EEFSEC: variants seen among roughly 807,000 people sequenced by gnomAD.
EEFSEC encodes the protein eukaryotic elongation factor, selenocysteine-tRNA specific.
A neutral mutation model predicts 42.1 loss-of-function variants in EEFSEC; 43 were observed. That is an observed-to-expected ratio of 1.02 (90% CI 0.80 to 1.32). The LOEUF is 1.32. Among genes scored for constraint, EEFSEC ranks in the 40% most tolerant of loss-of-function variants. EEFSEC has a pLI of 0.00. For missense variants in EEFSEC, 745 were observed against 803.6 expected (o/e 0.93, Z 0.88); for synonymous variants, 354 against 339.1 (o/e 1.04, Z -0.48).
intron 4 of EEFSEC, among the ~76,000 whole-genome samples, chr3:128,312,256 C>T (rs2066897579): frequency 6.6e-6 from 1 of 152,244 alleles, no homozygotes; most frequent in African/African-American, 2.4e-5. Flanking sequence ...CTGTTATCAT[C>T]TCTCTCTGAG....
At chr3:128,156,368 G>C (rs1035985611) in intron 1 of EEFSEC, among the ~76,000 whole-genome samples, 9 of 152,186 alleles carry the variant, frequency 5.9e-5, no homozygotes, top group African/African-American at 2.2e-4. Context: ...AAACAGTCCA[G>C]GTCTGCCTGA....
intron 4 of EEFSEC, among the ~76,000 whole-genome samples, chr3:128,315,530 A>C (rs2066935514): frequency 6.6e-6 from 1 of 152,198 alleles, no homozygotes. Flanking sequence ...GGCCATGCTG[A>C]GGCTGCTATG....
intron 4 of EEFSEC, among the ~76,000 whole-genome samples, chr3:128,296,410 T>G (rs1412577317): frequency 6.6e-6 from 1 of 152,138 alleles, no homozygotes. Context: ...GTCTCCTCTT[T>G]CCCTTCCTAC....
intron 1 of EEFSEC, among the ~76,000 whole-genome samples, chr3:128,167,185 A>G (rs1328230571): frequency 1.3e-5 from 2 of 152,078 alleles, no homozygotes; most frequent in Non-Finnish European, 2.9e-5. Context: ...GGTCACCCTC[A>G]TTTGAGGGCC....
At chr3:128,327,149 C>T (rs1218812606) in intron 4 of EEFSEC, among the ~76,000 whole-genome samples, 1 of 152,216 alleles carries the variant, frequency 6.6e-6, no homozygotes, top group African/African-American at 2.4e-5. Flanking sequence ...CACTGATGGA[C>T]TTTCAGACTG....
intron 1 of EEFSEC, among the ~76,000 whole-genome samples, chr3:128,164,077 G>A (rs1469497046): frequency 6.6e-6 from 1 of 152,124 alleles, no homozygotes; most frequent in Non-Finnish European, 1.5e-5. Flanking sequence ...TTTCTGTGAT[G>A]TGCCTGGCCC....
intron 1 of EEFSEC, among the ~76,000 whole-genome samples, chr3:128,220,329 A>G (rs2065849672): frequency 6.6e-6 from 1 of 152,084 alleles, no homozygotes. Flanking sequence ...AATTACTCCC[A>G]CTCTTGAGTG....
At chr3:128,179,958 ATG>A in intron 1 of EEFSEC, among the ~76,000 whole-genome samples, 1 of 152,268 alleles carries the variant, frequency 6.6e-6, no homozygotes, top group Non-Finnish European at 1.5e-5. Context: ...TTTGAGATTC[ATG>A]TTTGTGAGTG....
intron 4 of EEFSEC, among the ~76,000 whole-genome samples, chr3:128,323,705 G>A (rs1402133297): frequency 1.3e-5 from 2 of 152,276 alleles, no homozygotes; most frequent in Non-Finnish European, 1.5e-5. Flanking sequence ...AGCATGATTC[G>A]TTCCAGAGCT....
chr3:128,335,777 C>G lies in EEFSEC; in HGVS notation c.787-5456C>G, dbSNP rs144859779. Among the ~76,000 whole-genome samples the G allele has an allele frequency of 7.2e-5, 11 of 152,232 alleles. No homozygotes were observed. In the East Asian group the frequency reaches 2.1e-3, roughly 29 times the overall value. On this transcript the variant is annotated intron_variant, in intron 4 of 6. Transcript: ENST00000254730. Reference sequence around the variant, plus strand: ...CAATCCAAGCCAGGTGAGGCTGGGACCAGGGCAGGCAGTGCAGGGACAGGA... The same window carrying G: ...CAATCCAAGCCAGGTGAGGCTGGGAGCAGGGCAGGCAGTGCAGGGACAGGA...
At chr3:128,262,369 C>T (rs2066307946) in intron 3 of EEFSEC, 145 bp downstream of exon 3, 5 of 655,166 alleles carry the variant, frequency 7.6e-6, no homozygotes, top group South Asian at 1.9e-5. Context: ...CTGTTAACAC[C>T]TTAGCACAAC....
At chr3:128,279,169 C>T (rs2066499141) in intron 4 of EEFSEC, among the ~76,000 whole-genome samples, 1 of 152,194 alleles carries the variant, frequency 6.6e-6, no homozygotes, top group Non-Finnish European at 1.5e-5. Context: ...CAGTGGCGGC[C>T]ATCTCCCGCC....
At chr3:128,341,079 A>G (rs749938631) in intron 4 of EEFSEC, among the ~76,000 whole-genome samples, 154 bp from the exon 5 acceptor site, 3 of 152,050 alleles carry the variant, frequency 2.0e-5, no homozygotes, top group African/African-American at 4.8e-5. Context: ...TCTGGTCCAG[A>G]AGAGTGTGCC....
At chr3:128,332,243 G>T (rs1409222520) in intron 4 of EEFSEC, among the ~76,000 whole-genome samples, 1 of 152,162 alleles carries the variant, frequency 6.6e-6, no homozygotes, top group African/African-American at 2.4e-5. Context: ...ATATATTGCT[G>T]CAGGAGGGAG....
At chr3:128,225,675 C>G (rs1225094933) in intron 1 of EEFSEC, among the ~76,000 whole-genome samples, 2 of 152,244 alleles carry the variant, frequency 1.3e-5, no homozygotes, top group Non-Finnish European at 2.9e-5. Context: ...AGCCACCTCT[C>G]CATCTCTACT....
At chr3:128,262,305 G>A in intron 3 of EEFSEC, 81 bp downstream of exon 3, 1 of 1,267,392 alleles carries the variant, frequency 7.9e-7, no homozygotes. Context: ...TCTCCCCTGA[G>A]AGAGAAAGAG....
Position 128,299,304 on chromosome 3 carries a change from A to G in EEFSEC, c.786+34523A>G, listed in dbSNP as rs138234635. 7.6e-4 allele frequency among the ~76,000 whole-genome samples: 116 copies of G among 152,210 alleles called. 1 individual carries two copies. The highest frequency in any genetic ancestry group is 6.4e-3 in the East Asian group (33 of 5,184). ...GTAACTCATTGTCGTTTGGATTTGC[A>G]TTTCCCTGATGATTCGTAAAGTTGA... On this transcript the variant is annotated intron_variant, in intron 4 of 6. Coordinates refer to ENST00000254730, the MANE Select transcript of EEFSEC (RefSeq NM_021937.5).
chr3:128,368,503 T>A (rs2067616822), intron 6 of EEFSEC, among the ~76,000 whole-genome samples: 1 of 152,018 alleles, frequency 6.6e-6, no homozygotes. Flanking sequence ...AATGAAGTTT[T>A]CTGTGTTTTA....
intron 4 of EEFSEC, among the ~76,000 whole-genome samples, chr3:128,318,550 G>A (rs2066973108): frequency 6.6e-6 from 1 of 152,208 alleles, no homozygotes; most frequent in Non-Finnish European, 1.5e-5. Context: ...CTAATTAATG[G>A]CAGAGACCCA....
Sources: gnomAD v4.1 joint callset for allele counts (sites outside exome capture counted in the v4.1 genomes callset) on GRCh38, gnomAD v4.1.1 for gene constraint, MANE v1.5 for transcripts, NCBI Gene and HGNC (gene_info 2026-07-23, HGNC 2026-07-21) for gene names.